The following GPATCH2L variants were observed in gnomAD, a reference collection of about 807,000 sequenced individuals.
GPATCH2L encodes G patch domain-containing protein 2-like.
Under a neutral mutation model 57.4 loss-of-function variants are expected in GPATCH2L, and 31 were observed. The ratio of observed to expected loss-of-function variants is 0.54; its 90% CI spans 0.41 to 0.73. GPATCH2L has a LOEUF of 0.73. Among genes scored for constraint, GPATCH2L ranks in the 30% least tolerant of loss-of-function variants. The pLI, the probability that GPATCH2L is intolerant of heterozygous loss-of-function variation, is 0.00. For synonymous variants in GPATCH2L, 199 were observed against 210.7 expected (o/e 0.94, Z 0.48); for missense variants, 481 against 599.9 (o/e 0.80, Z 2.07).
chr14:76,199,820 A>G (rs1464359654), intron 9 of GPATCH2L, among the ~76,000 whole-genome samples: 1 of 152,226 alleles, frequency 6.6e-6, no homozygotes, highest in Non-Finnish European at 1.5e-5. Context: ...TTCTGTGCAT[A>G]TACCCAAAAG....
chr14:76,206,856 T>C lies in GPATCH2L; in HGVS notation c.*5005T>C, dbSNP rs2040381740. ...AGCTCTGAGGTGCTCTCATATTCCC[T>C]CCATAAGTAAAGAGATTTTTTTTGT... On this transcript the variant is annotated 3_prime_UTR_variant, in exon 10 of 10. Coordinates refer to ENST00000261530, the MANE Select transcript of GPATCH2L (RefSeq NM_017926.4). 6 of 152,266 alleles carry C rather than the reference T, an allele frequency of 3.9e-5. No individual in the cohort carries two copies. In the South Asian group the frequency reaches 1.2e-3, roughly 32 times the overall value. 9.4% of individuals were successfully genotyped at this position (152,266 alleles called of 1,614,324 possible).
At chr14:76,199,014 G>A (rs2040237999) in intron 9 of GPATCH2L, among the ~76,000 whole-genome samples, 1 of 152,064 alleles carries the variant, frequency 6.6e-6, no homozygotes, top group Admixed American at 6.6e-5. Context: ...TGCCCACTGT[G>A]TCTTTTTAAA....
chr14:76,174,139 C>G (rs569655925), intron 5 of GPATCH2L: 23 of 153,782 alleles, frequency 1.5e-4, no homozygotes, highest in Middle Eastern at 3.1e-3. Flanking sequence ...AGGGATGGTA[C>G]TAGGGACTCA....
intron 2 of GPATCH2L, among the ~76,000 whole-genome samples, chr14:76,155,730 A>AC (rs1008091518): frequency 4.6e-5 from 7 of 151,996 alleles, no homozygotes; most frequent in Admixed American, 1.3e-4. Flanking sequence ...GAACATTGAT[A>AC]CCCCCCAGCT....
rs547417372 is a variant in GPATCH2L at position 76,208,936 on chromosome 14, G to A, written c.*7085G>A. On this transcript the variant is annotated 3_prime_UTR_variant, in exon 10 of 10. Transcript: ENST00000261530. ...CAGACCAGTTAAATCAGCATGGGGA[G>A]GTGGGGATGGGTTTCAGTCTTTAAA... 1 of 152,274 alleles carries A rather than the reference G, an allele frequency of 6.6e-6. No homozygotes were observed. Among genetic ancestry groups the A allele is most frequent in the Admixed American group, 6.5e-5 (1 of 15,296 alleles). The allele number at this position is 152,274 out of a possible 1,614,324, so 9.4% of individuals were successfully genotyped here. A position where few individuals can be genotyped will look rare whatever the true frequency, so the allele number is the denominator to read the frequency against.
downstream of GPATCH2L, among the ~76,000 whole-genome samples, chr14:76,217,707 A>G (rs2040495945): frequency 6.6e-6 from 1 of 152,238 alleles, no homozygotes; most frequent in South Asian, 2.1e-4. Flanking sequence ...CTCCTAATTT[A>G]TAAACATAAA....
chr14:76,203,079 T>C lies in GPATCH2L; in HGVS notation c.*1228T>C, dbSNP rs1223777967. 2 of 152,230 alleles carry C rather than the reference T, an allele frequency of 1.3e-5. No homozygotes were observed. Among genetic ancestry groups the C allele is most frequent in the Non-Finnish European group, 2.9e-5 (2 of 68,056 alleles). The allele number at this position is 152,230 out of a possible 1,614,324, so 9.4% of individuals were successfully genotyped here. On this transcript the variant is annotated 3_prime_UTR_variant, in exon 10 of 10. Coordinates refer to ENST00000261530, the MANE Select transcript of GPATCH2L (RefSeq NM_017926.4). ...CACATTGTAGAGGGACTCCCACTCA[T>C]GCATCTGCTTATTTTCTGTCTTAAA...
At chr14:76,227,982 C>T (rs2040543039) in intron 1 of GPATCH2L, among the ~76,000 whole-genome samples, 1 of 152,192 alleles carries the variant, frequency 6.6e-6, no homozygotes, top group Non-Finnish European at 1.5e-5. Flanking sequence ...CTTCTCCCAG[C>T]GCAACTCCTA....
At chr14:76,193,738 T>A (rs978109027) in intron 8 of GPATCH2L, among the ~76,000 whole-genome samples, 4 of 152,168 alleles carry the variant, frequency 2.6e-5, no homozygotes, top group African/African-American at 9.7e-5. Flanking sequence ...TGTCTAACAG[T>A]AACATGGTTT....
rs1385779738 is a variant in GPATCH2L at position 76,213,652 on chromosome 14, C to T, written c.*11801C>T. 1 of 152,042 alleles carries T rather than the reference C, an allele frequency of 6.6e-6. No individual in the cohort carries two copies. The highest frequency in any genetic ancestry group is 1.9e-4 in the East Asian group (1 of 5,188). 9.4% of individuals were successfully genotyped at this position (152,042 alleles called of 1,614,324 possible). A position where few individuals can be genotyped will look rare whatever the true frequency, so the allele number is the denominator to read the frequency against. On this transcript the variant is annotated 3_prime_UTR_variant, in exon 10 of 10. Coordinates refer to ENST00000261530, the MANE Select transcript of GPATCH2L (RefSeq NM_017926.4). ...GTTCCATGTTAGCCTGACACAGAGCCCCCTCTTCACATTCTCAGGGGCTCT... is the reference window on the plus strand; with the variant it reads ...GTTCCATGTTAGCCTGACACAGAGCTCCCTCTTCACATTCTCAGGGGCTCT...
At chr14:76,191,482 A>G (rs2039961324) in intron 8 of GPATCH2L, among the ~76,000 whole-genome samples, 1 of 152,032 alleles carries the variant, frequency 6.6e-6, no homozygotes, top group South Asian at 2.1e-4. Flanking sequence ...CCAACCCCAC[A>G]TGTAATATTC....
intron 2 of GPATCH2L, among the ~76,000 whole-genome samples, chr14:76,157,029 C>G (rs1434269945): frequency 6.6e-6 from 1 of 152,186 alleles, no homozygotes; most frequent in East Asian, 1.9e-4. Flanking sequence ...CCCATTTGGG[C>G]TATTATCCTG....
chr14:76,190,064 T>A (rs2039909327), intron 8 of GPATCH2L, among the ~76,000 whole-genome samples: 1 of 152,114 alleles, frequency 6.6e-6, no homozygotes, highest in African/African-American at 2.4e-5. Context: ...TCACTTCAGT[T>A]ATTTTTTGCC....
chr14:76,181,154 C>T (rs2039545993), intron 8 of GPATCH2L, among the ~76,000 whole-genome samples: 1 of 152,178 alleles, frequency 6.6e-6, no homozygotes, highest in Admixed American at 6.5e-5. Context: ...TTGCCATGAG[C>T]CTGCAATACC....
At chr14:76,170,934 A>G (rs2039055132) in intron 3 of GPATCH2L, among the ~76,000 whole-genome samples, 1 of 152,082 alleles carries the variant, frequency 6.6e-6, no homozygotes, top group South Asian at 2.1e-4. Flanking sequence ...TGTAAGTTGG[A>G]GTTAGTGTAG....
chr14:76,196,859 GTT>G (rs2040170164), intron 9 of GPATCH2L, among the ~76,000 whole-genome samples: 1 of 152,104 alleles, frequency 6.6e-6, no homozygotes, highest in African/African-American at 2.4e-5. Context: ...AACTTAGTAA[GTT>G]TTGGTGAACT....
chr14:76,202,737 G>A lies in GPATCH2L; in HGVS notation c.*886G>A, dbSNP rs2040330831. 1 of 152,604 alleles carries A rather than the reference G, an allele frequency of 6.6e-6. No homozygotes were observed. 9.5% of individuals were successfully genotyped at this position (152,604 alleles called of 1,614,324 possible). On this transcript the variant is annotated 3_prime_UTR_variant, in exon 10 of 10. Coordinates refer to ENST00000261530, the MANE Select transcript of GPATCH2L (RefSeq NM_017926.4). ...AAATTCATACTCTATTATAATAATG[G>A]CTTCTTGGGGCCATGCTTTGGGGAA...
intron 1 of GPATCH2L, among the ~76,000 whole-genome samples, chr14:76,227,047 C>T (rs988164759): frequency 3.9e-5 from 6 of 152,182 alleles, no homozygotes; most frequent in South Asian, 2.1e-4. Context: ...CTGCTTTAAG[C>T]CCAGGGCCTC....
At position 76,212,215 on chromosome 14, in the gene GPATCH2L, C is replaced by G. The variant is rs546949130; in HGVS notation, c.*10364C>G. ...GATGTCTAAAACCATAGAATAGGAACAAATGTACCTGTCATATTAATAAAA... is the reference window on the plus strand; with the variant it reads ...GATGTCTAAAACCATAGAATAGGAAGAAATGTACCTGTCATATTAATAAAA... On this transcript the variant is annotated 3_prime_UTR_variant, in exon 10 of 10. Coordinates refer to ENST00000261530, the MANE Select transcript of GPATCH2L (RefSeq NM_017926.4). 3 of 151,990 alleles carry G rather than the reference C, an allele frequency of 2.0e-5. No individual in the cohort carries two copies. Among genetic ancestry groups the G allele is most frequent in the African/African-American group, 7.2e-5 (3 of 41,466 alleles). The allele number at this position is 151,990 out of a possible 1,614,324, so 9.4% of individuals were successfully genotyped here. A position where few individuals can be genotyped will look rare whatever the true frequency, so the allele number is the denominator to read the frequency against.
Sources: allele counts gnomAD v4.1 joint callset (sites outside exome capture counted in the v4.1 genomes callset), GRCh38; gene constraint gnomAD v4.1.1; transcripts MANE v1.5; gene names NCBI Gene and HGNC (gene_info 2026-07-23, HGNC 2026-07-21).